COL21A1: variants seen among roughly 807,000 people sequenced by gnomAD.
COL21A1 encodes the protein collagen alpha-1(XXI) chain.
COL21A1 carries 149 observed loss-of-function variants against 137.9 expected under a neutral mutation model. The observed-to-expected ratio is 1.08, with a 90% confidence interval of 0.95 to 1.24. The LOEUF is 1.24. Among genes scored for constraint, COL21A1 ranks in the 50% most tolerant of loss-of-function variants. COL21A1 has a pLI of 0.00. For synonymous variants in COL21A1, 456 were observed against 391.5 expected (o/e 1.16, Z -1.95); for missense variants, 1,167 against 1,158.4 (o/e 1.01, Z -0.11).
chr6:56,077,064 C>G (rs926435801), intron 18 of COL21A1, among the ~76,000 whole-genome samples: 1 of 151,178 alleles, frequency 6.6e-6, no homozygotes, highest in African/African-American at 2.4e-5. Flanking sequence ...CCAAAAAAAC[C>G]ATAGAAGAAA....
chr6:56,384,154 T>C (rs1483817629), intron 1 of COL21A1, among the ~76,000 whole-genome samples: 1 of 152,114 alleles, frequency 6.6e-6, no homozygotes, highest in African/African-American at 2.4e-5. Context: ...GATTGGTGTC[T>C]CCCTAGTGCC....
At chr6:56,340,126 A>G (rs1004550009) in intron 1 of COL21A1, among the ~76,000 whole-genome samples, 2 of 152,192 alleles carry the variant, frequency 1.3e-5, no homozygotes, top group African/African-American at 4.8e-5. Flanking sequence ...CTTTAGAGAT[A>G]CATTGTTTTT....
chr6:56,244,961 T>C (rs1202479535), intron 1 of COL21A1, among the ~76,000 whole-genome samples: 1 of 152,214 alleles, frequency 6.6e-6, no homozygotes, highest in Admixed American at 6.5e-5. Flanking sequence ...TTGAAGCATT[T>C]TGAAATTATT....
chr6:56,332,367 A>G (rs1216386553), intron 1 of COL21A1, among the ~76,000 whole-genome samples: 3 of 152,032 alleles, frequency 2.0e-5, no homozygotes, highest in Admixed American at 6.6e-5. Flanking sequence ...CTTAGCTGGT[A>G]AGGACTATAT....
At chr6:56,089,951 A>G (rs1002005775) in intron 17 of COL21A1, among the ~76,000 whole-genome samples, 3 of 152,210 alleles carry the variant, frequency 2.0e-5, no homozygotes, top group African/African-American at 7.2e-5. Context: ...AATAATTTAA[A>G]GGACTTCTGG....
At chr6:56,183,007 CT>C (rs1778015330) in intron 1 of COL21A1, among the ~76,000 whole-genome samples, 1 of 152,024 alleles carries the variant, frequency 6.6e-6, no homozygotes, top group Admixed American at 6.6e-5. Flanking sequence ...AAACATTTTT[CT>C]TTTAAACGTG....
chr6:56,338,296 T>C (rs1381754144), intron 1 of COL21A1, among the ~76,000 whole-genome samples: 1 of 152,138 alleles, frequency 6.6e-6, no homozygotes, highest in African/African-American at 2.4e-5. Flanking sequence ...TCCAGCGCTT[T>C]GGAGAAGAGG....
chr6:56,344,148 G>T (rs1765534817), intron 1 of COL21A1, among the ~76,000 whole-genome samples: 1 of 152,020 alleles, frequency 6.6e-6, no homozygotes, highest in South Asian at 2.1e-4. Flanking sequence ...TCAAAGAAAG[G>T]ATTATTTTTC....
intron 9 of COL21A1, among the ~76,000 whole-genome samples, chr6:56,160,582 C>T (rs1395769665): frequency 6.6e-6 from 1 of 152,132 alleles, no homozygotes; most frequent in Non-Finnish European, 1.5e-5. Flanking sequence ...GACTAAATTC[C>T]CAATCCACCT....
intron 1 of COL21A1, among the ~76,000 whole-genome samples, chr6:56,235,497 G>T (rs1781843043): frequency 6.6e-6 from 1 of 151,920 alleles, no homozygotes; most frequent in African/African-American, 2.4e-5. Flanking sequence ...CTTGCTAAGT[G>T]TCAAAAATAG....
chr6:56,173,655 TATA>T (rs1750478083), intron 3 of COL21A1, among the ~76,000 whole-genome samples: 1 of 152,068 alleles, frequency 6.6e-6, no homozygotes, highest in African/African-American at 2.4e-5. Flanking sequence ...ACCAGGAAGA[TATA>T]ATAATTATGA....
intron 8 of COL21A1, 26 bp downstream of exon 8, chr6:56,164,788 A>T: frequency 1.3e-6 from 2 of 1,559,504 alleles, no homozygotes; most frequent in Non-Finnish European, 1.7e-6. Flanking sequence ...TATTACCTTA[A>T]GGGGAACAAT....
At chr6:56,061,523 T>A in intron 25 of COL21A1, 126 bp downstream of exon 25, 1 of 523,904 alleles carries the variant, frequency 1.9e-6, no homozygotes, top group Non-Finnish European at 3.4e-6. Context: ...GAACTTCTAC[T>A]GAAGAAGATG....
intron 1 of COL21A1, among the ~76,000 whole-genome samples, chr6:56,355,757 T>C (rs1048219871): frequency 1.3e-5 from 2 of 152,168 alleles, no homozygotes; most frequent in African/African-American, 4.8e-5. Flanking sequence ...GGATAAACCA[T>C]GAGTTGAGGG....
intron 18 of COL21A1, among the ~76,000 whole-genome samples, chr6:56,076,052 A>T (rs1328411330): frequency 6.6e-6 from 1 of 151,462 alleles, no homozygotes; most frequent in Non-Finnish European, 1.5e-5. Context: ...ATTTTAATGA[A>T]ATATACTTTG....
chr6:56,212,158 G>C (rs1735675290), intron 1 of COL21A1, among the ~76,000 whole-genome samples: 1 of 151,780 alleles, frequency 6.6e-6, no homozygotes, highest in African/African-American at 2.4e-5. Flanking sequence ...TACAATAGAG[G>C]GTTTCCTAGA....
intron 1 of COL21A1, among the ~76,000 whole-genome samples, chr6:56,270,896 A>G (rs1390195508): frequency 6.6e-6 from 1 of 152,164 alleles, no homozygotes; most frequent in Non-Finnish European, 1.5e-5. Flanking sequence ...TCCAGGCAGA[A>G]CTGTGAGTCA....
At chr6:56,346,972 C>G (rs1293790059) in intron 1 of COL21A1, among the ~76,000 whole-genome samples, 1 of 152,180 alleles carries the variant, frequency 6.6e-6, no homozygotes, top group Admixed American at 6.5e-5. Context: ...GCCACAGCCT[C>G]TTGCAGGAGG....
intron 1 of COL21A1, among the ~76,000 whole-genome samples, chr6:56,277,031 A>T (rs1260616579): frequency 6.6e-6 from 1 of 151,844 alleles, no homozygotes; most frequent in Non-Finnish European, 1.5e-5. Context: ...AGTGTTAGCC[A>T]GGATGGTCTC....
Sources: gnomAD v4.1 joint callset for allele counts (sites outside exome capture counted in the v4.1 genomes callset) on GRCh38, gnomAD v4.1.1 for gene constraint, MANE v1.5 for transcripts, NCBI Gene and HGNC (gene_info 2026-07-23, HGNC 2026-07-21) for gene names.